Variants in SLC24A2 observed in about 807,000 individuals in gnomAD.
SLC24A2 encodes the protein solute carrier family 24 member 2.
SLC24A2 carries 36 observed loss-of-function variants against 62.0 expected under a neutral mutation model. The observed-to-expected ratio is 0.58, with a 90% CI of 0.44 to 0.77. The LOEUF is 0.77. Ranked by LOEUF, SLC24A2 falls within the 30% of genes least tolerant of loss-of-function variation. The pLI, the probability that SLC24A2 is intolerant of heterozygous loss-of-function variation, is 0.00. For missense variants in SLC24A2, 846 were observed against 817.9 expected (o/e 1.03, Z -0.42); for synonymous variants, 358 against 294.0 (o/e 1.22, Z -2.23).
At chr9:20,012,721 T>C in the SLC24A2 span, among the ~76,000 whole-genome samples, 3 of 152,170 alleles carry the variant, frequency 2.0e-5, no homozygotes, top group Non-Finnish European at 4.4e-5. Flanking sequence ...AAGAGCATTT[T>C]TACATACCAA....
chr9:19,960,575 G>A, the SLC24A2 span, among the ~76,000 whole-genome samples: 1 of 152,328 alleles, frequency 6.6e-6, no homozygotes, highest in African/African-American at 2.4e-5. Context: ...TAAAATGGGG[G>A]TAATAATACA....
the SLC24A2 span, among the ~76,000 whole-genome samples, chr9:20,217,209 G>A: frequency 1.3e-5 from 2 of 152,162 alleles, no homozygotes; most frequent in Non-Finnish European, 2.9e-5. Context: ...AAAGAAGCCA[G>A]ACATAGAAAT....
At chr9:19,996,441 T>A in the SLC24A2 span, among the ~76,000 whole-genome samples, 2 of 152,054 alleles carry the variant, frequency 1.3e-5, no homozygotes, top group African/African-American at 4.8e-5. Context: ...ACTCTTGGCG[T>A]TAAAGAAGAT....
At chr9:19,933,816 C>T in the SLC24A2 span, among the ~76,000 whole-genome samples, 1 of 152,202 alleles carries the variant, frequency 6.6e-6, no homozygotes, top group Admixed American at 6.5e-5. Context: ...CTGGTGCATG[C>T]GACCATGGGA....
chr9:19,696,232 A>G (rs1820187807), intron 2 of SLC24A2, among the ~76,000 whole-genome samples: 1 of 152,130 alleles, frequency 6.6e-6, no homozygotes, highest in Non-Finnish European at 1.5e-5. Flanking sequence ...CCACACCCCT[A>G]AGCCCCAACC....
chr9:19,754,032 C>G (rs1021039815), intron 2 of SLC24A2, among the ~76,000 whole-genome samples: 6 of 152,092 alleles, frequency 3.9e-5, no homozygotes, highest in Non-Finnish European at 7.4e-5. Context: ...AAAAAGCACA[C>G]TTAAAAAAAA....
At chr9:19,999,048 T>C in the SLC24A2 span, among the ~76,000 whole-genome samples, 2 of 152,226 alleles carry the variant, frequency 1.3e-5, no homozygotes, top group African/African-American at 4.8e-5. Flanking sequence ...TTGGTTCCAC[T>C]GCTTCATGGT....
chr9:20,009,808 C>T, the SLC24A2 span, among the ~76,000 whole-genome samples: 1 of 152,120 alleles, frequency 6.6e-6, no homozygotes, highest in Non-Finnish European at 1.5e-5. Context: ...GATTACTCAA[C>T]CAAACCTCAG....
In SLC24A2 at chr9:19,508,130, T is replaced by A. The variant is rs7854673; in HGVS notation, c.*8023A>T. On this transcript the variant is annotated 3_prime_UTR_variant, in exon 11 of 11. Transcript: ENST00000341998. Reference sequence around the variant, plus strand: ...CTTTTTAAGTATGTGGATTGCTTGATGGTGGAAGCTGTTGCTTCCGGAGTT... The same window carrying A: ...CTTTTTAAGTATGTGGATTGCTTGAAGGTGGAAGCTGTTGCTTCCGGAGTT... 108,358 of 152,170 alleles carry A rather than the reference T, an allele frequency of 0.71. 39,956 individuals are homozygous for A. Among genetic ancestry groups the A allele is most frequent in the East Asian group, 0.93 (4,790 of 5,176 alleles). 9.4% of individuals were successfully genotyped at this position (152,170 alleles called of 1,614,324 possible).
At chr9:19,598,526 T>C (rs968151202) in intron 4 of SLC24A2, among the ~76,000 whole-genome samples, 1 of 152,182 alleles carries the variant, frequency 6.6e-6, no homozygotes, top group Non-Finnish European at 1.5e-5. Flanking sequence ...AAATCACATG[T>C]TTATGTTTCT....
At chr9:20,050,738 A>C in the SLC24A2 span, among the ~76,000 whole-genome samples, 2 of 152,200 alleles carry the variant, frequency 1.3e-5, no homozygotes, top group African/African-American at 4.8e-5. Context: ...CTGGTTTTAC[A>C]TAATGTTGGG....
intron 2 of SLC24A2, among the ~76,000 whole-genome samples, chr9:19,673,421 T>C (rs1819473178): frequency 6.9e-6 from 1 of 143,916 alleles, no homozygotes; most frequent in Admixed American, 7.1e-5. Flanking sequence ...TATGGTGAGT[T>C]CTTGTGTGTG....
the SLC24A2 span, among the ~76,000 whole-genome samples, chr9:20,109,033 C>T: frequency 6.6e-6 from 1 of 152,022 alleles, no homozygotes; most frequent in African/African-American, 2.4e-5. Flanking sequence ...AAATGCTTAC[C>T]ACTGTGTTAC....
At chr9:19,734,396 A>C (rs1283224588) in intron 2 of SLC24A2, among the ~76,000 whole-genome samples, 1 of 152,128 alleles carries the variant, frequency 6.6e-6, no homozygotes, top group Non-Finnish European at 1.5e-5. Context: ...TATGAACTTT[A>C]AAGTAGTTTT....
the SLC24A2 span, among the ~76,000 whole-genome samples, chr9:19,973,629 A>G: frequency 6.6e-6 from 1 of 152,170 alleles, no homozygotes; most frequent in East Asian, 1.9e-4. Context: ...ATAATCCATA[A>G]CTCACAGGAT....
chr9:19,619,904 A>ATG (rs1211230254), intron 3 of SLC24A2, among the ~76,000 whole-genome samples: 26 of 152,338 alleles, frequency 1.7e-4, no homozygotes, highest in Middle Eastern at 6.8e-3. Context: ...TCCCTTTTTA[A>ATG]AAAGAGCTTT....
the SLC24A2 span, among the ~76,000 whole-genome samples, chr9:20,255,474 A>G: frequency 3.9e-5 from 6 of 152,228 alleles, no homozygotes; most frequent in African/African-American, 1.4e-4. Context: ...CTCACACAGG[A>G]CATAGCTCAT....
the SLC24A2 span, among the ~76,000 whole-genome samples, chr9:20,257,511 G>C: frequency 8.1e-3 from 1,210 of 150,076 alleles, 12 homozygotes; most frequent in African/African-American, 0.027. Context: ...ACTGGTGTTA[G>C]GATTAAGCTC....
At chr9:20,200,827 A>C in the SLC24A2 span, among the ~76,000 whole-genome samples, 69,668 of 152,086 alleles carry the variant, frequency 0.46, 18,208 homozygotes, top group Non-Finnish European at 0.61. Context: ...TTTTGGAAGC[A>C]ACCAAAGCTT....
Sources: gnomAD v4.1 joint callset for allele counts (sites outside exome capture counted in the v4.1 genomes callset) on GRCh38, gnomAD v4.1.1 for gene constraint, MANE v1.5 for transcripts, NCBI Gene and HGNC (gene_info 2026-07-23, HGNC 2026-07-21) for gene names.